The following HHIPL1 variants were observed in gnomAD, a reference collection of about 807,000 sequenced individuals.
The protein encoded by HHIPL1 is HHIP like 1, also known as HHIP-like protein 1.
HHIPL1 carries 43 observed loss-of-function variants against 61.8 expected under a neutral mutation model. The observed-to-expected ratio is 0.70, with a 90% confidence interval of 0.55 to 0.90. HHIPL1 has a LOEUF of 0.90. Among genes scored for constraint, HHIPL1 ranks in the 40% least tolerant of loss-of-function variants. HHIPL1 has a pLI of 0.00. For synonymous variants in HHIPL1, 482 were observed against 515.8 expected, an observed-to-expected ratio of 0.93 and a Z score of 0.89; for missense variants, 1,056 against 1,157.7, an observed-to-expected ratio of 0.91 and a Z score of 1.28.
At chr14:99,661,775 T>C (rs979682449) in intron 5 of HHIPL1, among the ~76,000 whole-genome samples, 1 of 152,180 alleles carries the variant, frequency 6.6e-6, no homozygotes. Context: ...TGGTGTTTCT[T>C]ACTTATTTCC....
At position 99,675,216 on chromosome 14, in the gene HHIPL1, C is replaced by A. The variant is rs1437971553; in HGVS notation, c.1939C>A (p.Gln647Lys). 5.1e-6 allele frequency: 6 copies of A among 1,187,130 alleles called. No individual in the cohort carries two copies. In the South Asian group the frequency reaches 1.2e-4, roughly 25 times the overall value. The allele number at this position is 1,187,130 out of a possible 1,614,324, so 73.5% of individuals were successfully genotyped here. A position where few individuals can be genotyped will look rare whatever the true frequency, so the allele number is the denominator to read the frequency against. The change falls in exon 9 of 9, where the codon CAG becomes AAG. Residue 647 changes from glutamine (Q) to lysine (K), a missense_variant. By Grantham distance (53) the Gln-to-Lys change is moderately conservative. Coordinates refer to ENST00000330710, the MANE Select transcript of HHIPL1 (RefSeq NM_001127258.3). This position sits in a 1 kb window ranked among gnomAD's most constrained non-coding sequence, Gnocchi z 5.4. ...CCCGCGGCCAGCGCGGCCCACCCAG[C>A]AGCCAGGGAGCCGGAGGGGCGGCGG... is the stretch of plus-strand genomic sequence containing the variant. ...PTPRPARPTQ[Q>K]PGSRRGGGRR... is the part of the protein sequence containing the mutation.
chr14:99,612,680 C>A, the HHIPL1 span, among the ~76,000 whole-genome samples: 1 of 152,146 alleles, frequency 6.6e-6, no homozygotes, highest in Non-Finnish European at 1.5e-5. Context: ...CCCAGGCCCA[C>A]CCGTGATATG....
chr14:99,636,999 AGAAG>A, the HHIPL1 span, among the ~76,000 whole-genome samples: 1 of 101,080 alleles, frequency 9.9e-6, no homozygotes, highest in African/African-American at 3.9e-5. Flanking sequence ...GAAGAAAGAA[AGAAG>A]AAAGAAAGAA....
chr14:99,645,321 C>T lies in HHIPL1; in HGVS notation c.114C>T (p.Leu38=). The T allele has an allele frequency of 1.4e-6, 2 of 1,458,508 alleles. No individual in the cohort carries two copies. The highest frequency in any genetic ancestry group is 1.5e-5 in the African/African-American group (1 of 68,036). The allele number at this position is 1,458,508 out of a possible 1,614,324, so 90.3% of individuals were successfully genotyped here. ...TCCGGCCGACGCAGCCGCTGCGCCT[C>T]TGCGCGCAGTACTCGGACTTCGGCT... ...PPFRPTQPLR[L]CAQYSDFGCC... Residue 38 remains leucine (L), a synonymous_variant, in exon 1 of 9, where the codon CTC becomes CTT. Transcript: ENST00000330710.
At position 99,678,385 on chromosome 14, in the gene HHIPL1, T is replaced by C. The variant is rs894378427; in HGVS notation, c.*2759T>C. The stretch of plus-strand genomic sequence containing the variant: ...GAAAGAAATAGCACTAAAACATAAA[T>C]TTAATTCTTTCAGCAAGGCAATTTT... On this transcript the variant is annotated 3_prime_UTR_variant, in exon 9 of 9. Coordinates refer to ENST00000330710, the MANE Select transcript of HHIPL1 (RefSeq NM_001127258.3). 2 of 152,190 alleles carry C rather than the reference T, an allele frequency of 1.3e-5. No individual in the cohort carries two copies. The highest frequency in any genetic ancestry group is 4.8e-5 in the African/African-American group (2 of 41,438). The allele number at this position is 152,190 out of a possible 1,614,324, so 9.4% of individuals were successfully genotyped here.
In HHIPL1 at chr14:99,645,442, G is replaced by C. The variant is rs1200521349; in HGVS notation, c.235G>C (p.Ala79Pro). The C allele has an allele frequency of 7.4e-7, 1 of 1,350,734 alleles. No individual in the cohort carries two copies. Among genetic ancestry groups the C allele is most frequent in the African/African-American group, 1.5e-5 (1 of 65,472 alleles). 83.7% of individuals were successfully genotyped at this position (1,350,734 alleles called of 1,614,324 possible). ...AAEWAACAGY[A>P]RDLLCQECSP... ...CGAGTGGGCCGCGTGCGCCGGCTAC[G>C]CGAGGGACCTGCTGTGCCAGGTGAG... The change falls in exon 1 of 9, where the codon GCG becomes CCG. Residue 79 changes from alanine to proline, a missense_variant. Ala to Pro is a conservative substitution (Grantham distance 27). Transcript: ENST00000330710.
At chr14:99,667,686 C>T (rs181219503) in intron 6 of HHIPL1, among the ~76,000 whole-genome samples, 16 of 152,298 alleles carry the variant, frequency 1.1e-4, no homozygotes, top group Admixed American at 9.2e-4. Flanking sequence ...GCCCAAATCC[C>T]GGATGACGCC....
intron 7 of HHIPL1, among the ~76,000 whole-genome samples, 199 bp from the exon 8 acceptor site, chr14:99,672,118 T>C (rs568371345): frequency 6.6e-5 from 10 of 152,340 alleles, no homozygotes; most frequent in Middle Eastern, 3.4e-3. Context: ...TAGGCTGTTA[T>C]AGGGGATTTA....
intron 1 of HHIPL1, among the ~76,000 whole-genome samples, chr14:99,650,886 C>T (rs1166542129): frequency 6.6e-6 from 1 of 152,256 alleles, no homozygotes; most frequent in Non-Finnish European, 1.5e-5. Context: ...GCAAAGGGAA[C>T]AGCCTGTGCT....
At position 99,652,714 on chromosome 14, in the gene HHIPL1, G is replaced by A. The variant is rs776741534; in HGVS notation, c.746G>A (p.Arg249His). 1.4e-5 allele frequency: 23 copies of A among 1,613,894 alleles called. No homozygotes were observed. Among genetic ancestry groups the A allele is most frequent in the South Asian group, 7.7e-5 (7 of 91,084 alleles). ...VLTSPWEGDE[R>H]GFLGIAFHPS... ...ACCTCGCCCTGGGAGGGTGACGAGCGTGGCTTCCTGGGCATTGCCTTCCAC... is the reference window on the plus strand; with the variant it reads ...ACCTCGCCCTGGGAGGGTGACGAGCATGGCTTCCTGGGCATTGCCTTCCAC... Residue 249 changes from arginine (R) to histidine (H), a missense_variant, in exon 2 of 9, where the codon CGT becomes CAT. By Grantham distance (29) the Arg-to-His change is conservative (BLOSUM62 0). Transcript: ENST00000330710.
intron 1 of HHIPL1, among the ~76,000 whole-genome samples, chr14:99,648,166 C>G (rs1159473170): frequency 1.3e-5 from 2 of 152,180 alleles, no homozygotes; most frequent in Non-Finnish European, 2.9e-5. Flanking sequence ...CTGACACACA[C>G]AGGAAGGTGC....
At chr14:99,663,726 G>A (rs996818298) in intron 6 of HHIPL1, among the ~76,000 whole-genome samples, 2 of 152,110 alleles carry the variant, frequency 1.3e-5, no homozygotes, top group African/African-American at 2.4e-5. Flanking sequence ...CTGAGCTCCC[G>A]TTTGTTCCTA....
chr14:99,647,865 T>C (rs982070308), intron 1 of HHIPL1, among the ~76,000 whole-genome samples: 23 of 152,302 alleles, frequency 1.5e-4, no homozygotes, highest in African/African-American at 5.3e-4. Context: ...TAAGTGCCTG[T>C]GTCCTCTGGA....
rs1566809908 is a variant in HHIPL1 at position 99,656,839 on chromosome 14, G to GA, written c.903-161_903-160insA. Among the ~76,000 whole-genome samples, 2 of 2,970 alleles carry GA rather than the reference G, an allele frequency of 6.7e-4. 1 individual carries two copies. Among genetic ancestry groups the GA allele is most frequent in the South Asian group, 0.034 (2 of 58 alleles). The allele number at this position is 2,970 out of a possible 152,430, so 1.9% of individuals were successfully genotyped here. ...AGAAAGAAAGAAAGAAAGAAAGAAAGGAAGGAAGGAAGGAAGGAAGGAAGG... is the reference window on the plus strand; with the variant it reads ...AGAAAGAAAGAAAGAAAGAAAGAAAGAGAAGGAAGGAAGGAAGGAAGGAAGG... On this transcript the variant is annotated intron_variant, in intron 2 of 8. Coordinates refer to ENST00000330710, the MANE Select transcript of HHIPL1 (RefSeq NM_001127258.3).
intron 6 of HHIPL1, among the ~76,000 whole-genome samples, chr14:99,663,706 C>G (rs1774062364): frequency 1.3e-5 from 2 of 152,298 alleles, no homozygotes; most frequent in Non-Finnish European, 2.9e-5. Context: ...CCTCATGCGT[C>G]TTCACCTCTC....
At chr14:99,619,491 A>C in the HHIPL1 span, among the ~76,000 whole-genome samples, 1 of 151,682 alleles carries the variant, frequency 6.6e-6, no homozygotes, top group Non-Finnish European at 1.5e-5. Flanking sequence ...TTAGAGTTTC[A>C]ATAAATGCAT....
chr14:99,628,377 C>T, the HHIPL1 span, among the ~76,000 whole-genome samples: 4 of 152,038 alleles, frequency 2.6e-5, no homozygotes, highest in Admixed American at 6.5e-5. Flanking sequence ...GTCAGGAGTT[C>T]GAGACCAGCC....
chr14:99,656,799 GA>G (rs71464624), intron 2 of HHIPL1, among the ~76,000 whole-genome samples, 200 bp from the exon 3 acceptor site: 7,424 of 14,336 alleles, frequency 0.52, 1,186 homozygotes, highest in Middle Eastern at 0.62. Flanking sequence ...AAGAAAGAAA[GA>G]AAGAAAGAAA....
intron 8 of HHIPL1, among the ~76,000 whole-genome samples, 196 bp from the exon 9 acceptor site, chr14:99,674,894 TG>T (rs1289249465): frequency 6.6e-6 from 1 of 152,186 alleles, no homozygotes; most frequent in Non-Finnish European, 1.5e-5. Context: ...GGCATCTTGC[TG>T]GGTCCGGGTG....
Sources: gnomAD v4.1 joint callset for allele counts (sites outside exome capture counted in the v4.1 genomes callset) on GRCh38, gnomAD v4.1.1 for gene constraint, Gnocchi (gnomAD v3.1) non-coding constraint, MANE v1.5 for transcripts, NCBI Gene and HGNC (gene_info 2026-07-23, HGNC 2026-07-21) for gene names.